Variants in RPTOR observed in about 807,000 individuals in gnomAD.
The protein encoded by RPTOR is regulatory associated protein of MTOR complex 1, also known as regulatory-associated protein of mTOR.
A neutral mutation model predicts 169.9 loss-of-function variants in RPTOR; 21 were observed. The ratio of observed to expected loss-of-function variants is 0.12; its 90% CI spans 0.09 to 0.18. RPTOR has a LOEUF of 0.18. Among genes scored for constraint, RPTOR ranks in the 10% least tolerant of loss-of-function variants. The pLI is 1.00. For missense variants in RPTOR, 1,133 were observed against 1,855.9 expected, an observed-to-expected ratio of 0.61 and a Z score of 7.16; for synonymous variants, 732 against 753.2, an observed-to-expected ratio of 0.97 and a Z score of 0.46.
At chr17:80,572,188 C>T (rs1354868752) in intron 1 of RPTOR, among the ~76,000 whole-genome samples, 2 of 152,134 alleles carry the variant, frequency 1.3e-5, no homozygotes, top group Non-Finnish European at 2.9e-5. Context: ...GCCTTGACCT[C>T]CCACGGTCAG....
At chr17:80,917,408 C>T (rs2068687464) in intron 21 of RPTOR, among the ~76,000 whole-genome samples, 4 of 152,178 alleles carry the variant, frequency 2.6e-5, no homozygotes, top group Admixed American at 1.3e-4. Context: ...GCCACTGCAC[C>T]CGGCCATGGA....
intron 2 of RPTOR, among the ~76,000 whole-genome samples, chr17:80,629,524 C>T: frequency 6.6e-6 from 1 of 151,030 alleles, no homozygotes; most frequent in East Asian, 2.0e-4. Flanking sequence ...TCTCTCTCTT[C>T]TGGGACTCAG....
In RPTOR at chr17:80,787,937, A is replaced by C. The variant is rs750280334; in HGVS notation, c.831-3513A>C. Among the ~76,000 whole-genome samples, 10 of 152,236 alleles carry C rather than the reference A, an allele frequency of 6.6e-5. 1 individual carries two copies. The highest frequency in any genetic ancestry group is 1.5e-4 in the Non-Finnish European group (10 of 68,024). On this transcript the variant is annotated intron_variant, in intron 6 of 33. Transcript: ENST00000306801. ...CCTTTTTGCTTTTCATTTTAGGACG[A>C]CTACAAATGTTAACAAGTTTGTGTG...
At chr17:80,586,955 C>T (rs1404044892) in intron 1 of RPTOR, among the ~76,000 whole-genome samples, 1 of 152,222 alleles carries the variant, frequency 6.6e-6, no homozygotes. Flanking sequence ...AGCTGTGCTC[C>T]GCGTCTGCCG....
chr17:80,795,857 C>T (rs1390852535), intron 7 of RPTOR, among the ~76,000 whole-genome samples: 1 of 152,202 alleles, frequency 6.6e-6, no homozygotes, highest in African/African-American at 2.4e-5. Context: ...GCTCTCAGCC[C>T]GTGTCCGCCT....
chr17:80,611,474 C>T (rs1599600546), intron 1 of RPTOR, among the ~76,000 whole-genome samples: 1 of 152,070 alleles, frequency 6.6e-6, no homozygotes, highest in African/African-American at 2.4e-5. Flanking sequence ...ACCATGTTGG[C>T]CAGGCTGGTC....
intron 3 of RPTOR, among the ~76,000 whole-genome samples, chr17:80,692,550 A>G (rs1002605554): frequency 1.3e-4 from 20 of 151,986 alleles, no homozygotes; most frequent in African/African-American, 4.8e-4. Context: ...TGAACTCCTG[A>G]CCTCAGGTGA....
At chr17:80,714,754 C>A (rs576829493) in intron 4 of RPTOR, among the ~76,000 whole-genome samples, 1 of 152,082 alleles carries the variant, frequency 6.6e-6, no homozygotes, top group African/African-American at 2.4e-5. Context: ...CGGAGTCTCT[C>A]GCTCTGTCGC....
chr17:80,930,424 C>A (rs200361439), intron 24 of RPTOR, among the ~76,000 whole-genome samples: 2 of 448 alleles, frequency 4.5e-3, no homozygotes, highest in Non-Finnish European at 9.2e-3. Flanking sequence ...TCATCCTCAG[C>A]TCATCCTCAT....
chr17:80,743,084 C>T (rs1182898538), intron 5 of RPTOR, among the ~76,000 whole-genome samples: 7 of 152,248 alleles, frequency 4.6e-5, no homozygotes, highest in East Asian at 1.9e-4. Flanking sequence ...ATTGTCTTTG[C>T]GCACTGGGAA....
At chr17:80,914,882 CAGCCTGA>C (rs1365968099) in intron 21 of RPTOR, among the ~76,000 whole-genome samples, 1 of 152,224 alleles carries the variant, frequency 6.6e-6, no homozygotes, top group Non-Finnish European at 1.5e-5. Context: ...AAGCCAGGGA[CAGCCTGA>C]AGCCTGGGGG....
rs975498673 is a variant in RPTOR at position 80,665,304 on chromosome 17, CTTGAGAAAATTT to C, written c.348+21497_348+21508del. Reference sequence around the variant, plus strand: ...TCCTAACCACACTGCTTGTTTTCTTCTTGAGAAAATTTTTTTCTTTTCTTTTCCCTTTCCTTT... The same window carrying C: ...TCCTAACCACACTGCTTGTTTTCTTCTTTTCTTTTCTTTTCCCTTTCCTTT... On this transcript the variant is annotated intron_variant, in intron 3 of 33. Coordinates refer to ENST00000306801, the MANE Select transcript of RPTOR (RefSeq NM_020761.3). Among the ~76,000 whole-genome samples the C allele has an allele frequency of 1.7e-3, 258 of 148,840 alleles. 2 individuals carry two copies. The highest frequency in any genetic ancestry group is 6.2e-3 in the African/African-American group (248 of 40,234).
intron 1 of RPTOR, among the ~76,000 whole-genome samples, chr17:80,616,681 G>A (rs528170605): frequency 2.6e-5 from 4 of 152,132 alleles, no homozygotes; most frequent in Non-Finnish European, 5.9e-5. Flanking sequence ...TGAGCTACTC[G>A]GGAGGTTGAG....
chr17:80,890,970 C>T (rs1407849903), intron 17 of RPTOR, among the ~76,000 whole-genome samples: 1 of 152,030 alleles, frequency 6.6e-6, no homozygotes. Flanking sequence ...TGCTAAGAAT[C>T]CGTATTTTTT....
At chr17:80,951,190 C>T (rs1179048151) in intron 28 of RPTOR, among the ~76,000 whole-genome samples, 1 of 152,124 alleles carries the variant, frequency 6.6e-6, no homozygotes, top group East Asian at 1.9e-4. Flanking sequence ...CACGTCCACA[C>T]CCGGCTGGGC....
intron 1 of RPTOR, among the ~76,000 whole-genome samples, chr17:80,568,301 T>C (rs1038739089): frequency 1.3e-5 from 2 of 152,218 alleles, no homozygotes; most frequent in Non-Finnish European, 2.9e-5. Context: ...TAACTTTGCT[T>C]ATAGTACTGG....
intron 7 of RPTOR, among the ~76,000 whole-genome samples, chr17:80,809,486 C>T (rs1044217087): frequency 3.9e-5 from 6 of 152,206 alleles, no homozygotes; most frequent in Admixed American, 2.0e-4. Context: ...CTACCGCGTC[C>T]GGCCATCTTA....
In RPTOR at chr17:80,743,851, GCAGAGCCCTGGCTACT is replaced by G. The variant is rs2066519755; in HGVS notation, c.655-10158_655-10143del. ...GCTACTAGCACAGCCCTGGTTACTA[GCAGAGCCCTGGCTACT>G]AGCACAGCCCTGGCTACTAGCACTG... On this transcript the variant is annotated intron_variant, in intron 5 of 33. Transcript: ENST00000306801. Among the ~76,000 whole-genome samples, 9 of 120,480 alleles carry G rather than the reference GCAGAGCCCTGGCTACT, an allele frequency of 7.5e-5. 1 individual carries two copies. The highest frequency in any genetic ancestry group is 3.0e-4 in the African/African-American group (9 of 29,940). The allele number at this position is 120,480 out of a possible 152,430, so 79.0% of individuals were successfully genotyped here. A position where few individuals can be genotyped will look rare whatever the true frequency, so the allele number is the denominator to read the frequency against.
At chr17:80,649,839 A>G (rs1169246156) in intron 3 of RPTOR, among the ~76,000 whole-genome samples, 1 of 152,198 alleles carries the variant, frequency 6.6e-6, no homozygotes, top group African/African-American at 2.4e-5. Context: ...GTGTTCAGTG[A>G]GAACTCTGAT....
Sources: allele counts gnomAD v4.1 joint callset (sites outside exome capture counted in the v4.1 genomes callset), GRCh38; gene constraint gnomAD v4.1.1; transcripts MANE v1.5; gene names NCBI Gene and HGNC (gene_info 2026-07-23, HGNC 2026-07-21).